The following RFPL1 variants were observed in gnomAD, a reference collection of about 807,000 sequenced individuals.
RFPL1 encodes the protein ret finger protein like 1.
A neutral mutation model predicts 9.6 loss-of-function variants in RFPL1; 6 were observed. That is an observed-to-expected ratio of 0.62 (90% CI 0.34 to 1.23). The LOEUF (loss-of-function observed/expected upper bound fraction) is 1.23. Ranked by LOEUF, RFPL1 falls within the 50% of genes most tolerant of loss-of-function variation. The pLI is 0.03. For synonymous variants in RFPL1, 145 were observed against 149.4 expected, an observed-to-expected ratio of 0.97 and a Z score of 0.22; for missense variants, 352 against 398.4, an observed-to-expected ratio of 0.88 and a Z score of 0.99.
At chr22:29,405,102 CTATGA>C in the RFPL1 span, among the ~76,000 whole-genome samples, 2 of 152,130 alleles carry the variant, frequency 1.3e-5, no homozygotes, top group South Asian at 2.1e-4. Flanking sequence ...TAAAAATATA[CTATGA>C]TATATCAAAT....
the RFPL1 span, chr22:29,423,338 A>G: frequency 1.7e-6 from 1 of 601,222 alleles, no homozygotes; most frequent in Non-Finnish European, 3.0e-6. Context: ...ACTTTAGATC[A>G]TGGCAGATTA....
chr22:29,401,992 A>C, the RFPL1 span, among the ~76,000 whole-genome samples: 9 of 152,306 alleles, frequency 5.9e-5, no homozygotes, highest in South Asian at 1.9e-3. Flanking sequence ...ACTTAGACTT[A>C]ATGTTGAATG....
chr22:29,420,799 C>A, the RFPL1 span, among the ~76,000 whole-genome samples: 1 of 151,628 alleles, frequency 6.6e-6, no homozygotes, highest in Non-Finnish European at 1.5e-5. Flanking sequence ...CACCATCATA[C>A]CCTCCTAATT....
chr22:29,398,757 G>A, the RFPL1 span, among the ~76,000 whole-genome samples: 6 of 152,326 alleles, frequency 3.9e-5, no homozygotes, highest in African/African-American at 1.4e-4. Flanking sequence ...CTCCCGTGTA[G>A]CTAGGTATGG....
chr22:29,405,843 C>T, the RFPL1 span, among the ~76,000 whole-genome samples: 2 of 152,138 alleles, frequency 1.3e-5, no homozygotes, highest in African/African-American at 4.8e-5. Flanking sequence ...GGCGCGGTGG[C>T]TCACGCCTGT....
the RFPL1 span, among the ~76,000 whole-genome samples, chr22:29,414,133 T>C: frequency 6.6e-6 from 1 of 152,130 alleles, no homozygotes; most frequent in Non-Finnish European, 1.5e-5. Context: ...GCCTCAACTT[T>C]CTGACTTATT....
chr22:29,421,442 A>C, the RFPL1 span, among the ~76,000 whole-genome samples: 1 of 151,368 alleles, frequency 6.6e-6, no homozygotes, highest in Non-Finnish European at 1.5e-5. Flanking sequence ...AAACAAACAA[A>C]CAACAAAACC....
chr22:29,392,378 CTTTTTTTTTTTTTTTTTT>C, the RFPL1 span, among the ~76,000 whole-genome samples: 26 of 46,288 alleles, frequency 5.6e-4, no homozygotes, highest in African/African-American at 1.6e-3. Flanking sequence ...CCACACCTGG[CTTTTTTTTTTTTTTTTTT>C]TTTTTTTTTT....
the RFPL1 span, among the ~76,000 whole-genome samples, chr22:29,394,362 A>T: frequency 7.9e-6 from 1 of 126,330 alleles, no homozygotes; most frequent in Admixed American, 7.5e-5. Flanking sequence ...TTTTGTTTTG[A>T]GACGGAGTCT....
the RFPL1 span, among the ~76,000 whole-genome samples, chr22:29,392,365 C>CTACCACA: frequency 7.3e-6 from 1 of 137,864 alleles, no homozygotes; most frequent in East Asian, 2.2e-4. Context: ...TAGGCATGAG[C>CTACCACA]TACCACACCT....
At chr22:29,434,209 T>C (rs145386266), upstream of RFPL1, among the ~76,000 whole-genome samples, 1,665 of 152,326 alleles carry the variant, frequency 0.011, 12 homozygotes, top group South Asian at 0.033. Flanking sequence ...TAGATATCTA[T>C]ATTTGAACAG....
chr22:29,434,998 G>A (rs977331392), upstream of RFPL1: 4 of 152,096 alleles, frequency 2.6e-5, no homozygotes, highest in Admixed American at 2.0e-4. Flanking sequence ...TCCTGAGCAG[G>A]GCAAATAAAC....
chr22:29,388,478 T>C, the RFPL1 span: 1 of 152,272 alleles, frequency 6.6e-6, no homozygotes, highest in South Asian at 2.1e-4. Context: ...GGCACCAAAA[T>C]GTCCGCGGCC....
chr22:29,400,623 G>C, the RFPL1 span, among the ~76,000 whole-genome samples: 1 of 152,108 alleles, frequency 6.6e-6, no homozygotes, highest in Non-Finnish European at 1.5e-5. Context: ...TTTATGGGGG[G>C]GGAATGAAAG....
chr22:29,427,201 C>T, the RFPL1 span, among the ~76,000 whole-genome samples: 1 of 152,214 alleles, frequency 6.6e-6, no homozygotes, highest in African/African-American at 2.4e-5. Flanking sequence ...CCTGACAGTG[C>T]CCAGGACTGA....
the RFPL1 span, among the ~76,000 whole-genome samples, chr22:29,426,087 C>A: frequency 6.6e-6 from 1 of 151,970 alleles, no homozygotes; most frequent in East Asian, 2.0e-4. Flanking sequence ...CCTTGGGAGG[C>A]CAAGGCGGGC....
chr22:29,398,111 G>A, the RFPL1 span, among the ~76,000 whole-genome samples: 1 of 152,196 alleles, frequency 6.6e-6, no homozygotes, highest in Non-Finnish European at 1.5e-5. Flanking sequence ...TACGAAGCTG[G>A]TTAGTGCCAT....
the RFPL1 span, among the ~76,000 whole-genome samples, chr22:29,431,785 G>A: frequency 1.3e-5 from 2 of 151,596 alleles, no homozygotes; most frequent in South Asian, 2.1e-4. Context: ...TCCCGGAGAC[G>A]ATTCAAGTGA....
chr22:29,388,108 A>G, the RFPL1 span, among the ~76,000 whole-genome samples: 27 of 152,222 alleles, frequency 1.8e-4, no homozygotes, highest in Admixed American at 1.7e-3. Flanking sequence ...TGAGTCCGAA[A>G]GAGGAAATCA....
Sources: allele counts gnomAD v4.1 joint callset (sites outside exome capture counted in the v4.1 genomes callset), GRCh38; gene constraint gnomAD v4.1.1; transcripts MANE v1.5; gene names NCBI Gene and HGNC (gene_info 2026-07-23, HGNC 2026-07-21).